Variants in CDK6 observed in about 807,000 individuals in gnomAD.
The protein encoded by CDK6 is cyclin dependent kinase 6, also known as cyclin-dependent kinase 6.
Under a neutral mutation model 37.1 loss-of-function variants are expected in CDK6, and 6 were observed. That is an observed-to-expected ratio of 0.16 (90% CI 0.09 to 0.32). The LOEUF (loss-of-function observed/expected upper bound fraction) is 0.32, where lower values mean the gene tolerates loss of function less well. Ranked by LOEUF, CDK6 falls within the 10% of genes least tolerant of loss-of-function variation. CDK6 has a pLI of 1.00. For missense variants in CDK6, 224 were observed against 418.9 expected, an observed-to-expected ratio of 0.53 and a Z score of 4.06; for synonymous variants, 160 against 161.3, an observed-to-expected ratio of 0.99 and a Z score of 0.06.
Position 92,614,802 on chromosome 7 carries a change from C to T in CDK6, c.*338G>A. Reference sequence around the variant, plus strand: ...GAGATTACATCATAACTCAGCTGTGCCTGGATTACCCACTCCACACTGGCA... The same window carrying T: ...GAGATTACATCATAACTCAGCTGTGTCTGGATTACCCACTCCACACTGGCA... On this transcript the variant is annotated 3_prime_UTR_variant, in exon 8 of 8. Coordinates refer to ENST00000424848, the MANE Select transcript of CDK6 (RefSeq NM_001145306.2). The T allele has an allele frequency of 2.9e-6, 1 of 340,764 alleles. No homozygotes were observed. Among genetic ancestry groups the T allele is most frequent in the Non-Finnish European group, 5.5e-6 (1 of 183,272 alleles). The allele number at this position is 340,764 out of a possible 1,614,324, so 21.1% of individuals were successfully genotyped here.
intron 4 of CDK6, among the ~76,000 whole-genome samples, chr7:92,719,431 T>A (rs1293978557): frequency 1.3e-5 from 2 of 152,250 alleles, no homozygotes; most frequent in Non-Finnish European, 2.9e-5. Context: ...AGTCTTCTCA[T>A]GTTTAACATT....
At chr7:92,655,218 C>G (rs531932693) in intron 5 of CDK6, among the ~76,000 whole-genome samples, 2 of 151,736 alleles carry the variant, frequency 1.3e-5, no homozygotes, top group African/African-American at 4.8e-5. Flanking sequence ...TATTTCACTG[C>G]CAGTCTTAGT....
At chr7:92,770,446 T>G (rs1436995649) in intron 3 of CDK6, among the ~76,000 whole-genome samples, 3 of 151,968 alleles carry the variant, frequency 2.0e-5, no homozygotes, top group African/African-American at 7.3e-5. Flanking sequence ...ATACTCTTAA[T>G]GTACTTTATT....
At chr7:92,679,404 T>C (rs1797281943) in intron 4 of CDK6, among the ~76,000 whole-genome samples, 1 of 152,252 alleles carries the variant, frequency 6.6e-6, no homozygotes, top group Non-Finnish European at 1.5e-5. Flanking sequence ...TGCTGTCCTT[T>C]GGTTTAGTAA....
chr7:92,725,313 G>C (rs753752829), intron 4 of CDK6: 2 of 985,276 alleles, frequency 2.0e-6, no homozygotes, highest in East Asian at 2.3e-4. Context: ...CCTAGGCATT[G>C]TACATACAGC....
At chr7:92,682,080 C>A (rs1227884150) in intron 4 of CDK6, among the ~76,000 whole-genome samples, 1 of 152,170 alleles carries the variant, frequency 6.6e-6, no homozygotes, top group Non-Finnish European at 1.5e-5. Flanking sequence ...ACAATTCCAT[C>A]GAGAGCATGT....
chr7:92,771,422 T>C (rs2115769236), intron 3 of CDK6, among the ~76,000 whole-genome samples: 1 of 152,178 alleles, frequency 6.6e-6, no homozygotes, highest in South Asian at 2.1e-4. Context: ...ACAATGTCAA[T>C]ATTAATACCT....
At chr7:92,742,150 A>C (rs1461735629) in intron 3 of CDK6, among the ~76,000 whole-genome samples, 1 of 152,216 alleles carries the variant, frequency 6.6e-6, no homozygotes. Context: ...TAAATCAATA[A>C]TGTCCTCTCA....
intron 2 of CDK6, among the ~76,000 whole-genome samples, chr7:92,787,215 C>A (rs1017960538): frequency 6.6e-6 from 1 of 150,410 alleles, no homozygotes; most frequent in African/African-American, 2.4e-5. Context: ...AAAAATGTAG[C>A]CAGTGGCTAT....
intron 2 of CDK6, among the ~76,000 whole-genome samples, chr7:92,831,417 C>G (rs1801477157): frequency 6.6e-6 from 1 of 152,122 alleles, no homozygotes; most frequent in Non-Finnish European, 1.5e-5. Flanking sequence ...AGGTAACAGA[C>G]AAAATAAAAC....
chr7:92,711,894 G>T (rs1412600210), intron 4 of CDK6, among the ~76,000 whole-genome samples: 1 of 150,584 alleles, frequency 6.6e-6, no homozygotes, highest in Non-Finnish European at 1.5e-5. Context: ...AATAATTTTA[G>T]CAATGAACAA....
chr7:92,806,618 A>G (rs922868060), intron 2 of CDK6, among the ~76,000 whole-genome samples: 4 of 152,220 alleles, frequency 2.6e-5, no homozygotes, highest in Non-Finnish European at 5.9e-5. Context: ...TTATAACATG[A>G]CAAAAATGTC....
chr7:92,729,208 CAGTTTAT>C lies in CDK6; in HGVS notation c.370-3422_370-3416del, dbSNP rs535836369. On this transcript the variant is annotated intron_variant, in intron 3 of 7. Coordinates refer to ENST00000424848, the MANE Select transcript of CDK6 (RefSeq NM_001145306.2). ...CGTAAGCTTATGATCTGTTCTATCTCAGTTTATAGTATCGTGAGGCATACTCTTAAAT... is the reference window on the plus strand; with the variant it reads ...CGTAAGCTTATGATCTGTTCTATCTCAGTATCGTGAGGCATACTCTTAAAT... Among the ~76,000 whole-genome samples the C allele has an allele frequency of 6.6e-5, 10 of 152,268 alleles. No individual in the cohort carries two copies. In the East Asian group the frequency reaches 1.5e-3, roughly 23 times the overall value.
chr7:92,734,088 T>C (rs1045225424), intron 3 of CDK6, among the ~76,000 whole-genome samples: 7 of 152,218 alleles, frequency 4.6e-5, no homozygotes, highest in Non-Finnish European at 1.0e-4. Context: ...TTTTAGTATT[T>C]TCAATGATTT....
chr7:92,642,795 G>A (rs925964016), intron 5 of CDK6, among the ~76,000 whole-genome samples: 1 of 152,064 alleles, frequency 6.6e-6, no homozygotes, highest in Non-Finnish European at 1.5e-5. Flanking sequence ...GAGACAACTA[G>A]ATGCTCCAAA....
intron 4 of CDK6, among the ~76,000 whole-genome samples, chr7:92,722,698 T>C (rs535161513): frequency 5.3e-5 from 8 of 152,336 alleles, no homozygotes; most frequent in African/African-American, 1.7e-4. Context: ...GCTCCTTCTC[T>C]ATTCCTGTTA....
chr7:92,776,757 T>C (rs749968704), intron 2 of CDK6, among the ~76,000 whole-genome samples: 3 of 152,178 alleles, frequency 2.0e-5, no homozygotes, highest in Non-Finnish European at 4.4e-5. Flanking sequence ...TTTGATGGGG[T>C]TGTTTTTTTC....
intron 2 of CDK6, among the ~76,000 whole-genome samples, chr7:92,814,763 A>G (rs1800981890): frequency 6.6e-6 from 1 of 152,098 alleles, no homozygotes; most frequent in African/African-American, 2.4e-5. Flanking sequence ...GACTGAAAAT[A>G]AACAGAAATA....
intron 4 of CDK6, chr7:92,725,398 A>C: frequency 2.3e-6 from 2 of 867,234 alleles, no homozygotes; most frequent in Non-Finnish European, 2.8e-6. Context: ...AAGATGCAAC[A>C]GGCTATTTCT....
Sources: allele counts gnomAD v4.1 joint callset (sites outside exome capture counted in the v4.1 genomes callset), GRCh38; gene constraint gnomAD v4.1.1; transcripts MANE v1.5; gene names NCBI Gene and HGNC (gene_info 2026-07-23, HGNC 2026-07-21).